The following WDFY4 variants were observed in gnomAD, a reference collection of about 807,000 sequenced individuals.
WDFY4 encodes the protein WD repeat- and FYVE domain-containing protein 4.
WDFY4 carries 169 observed loss-of-function variants against 351.9 expected under a neutral mutation model. That is an observed-to-expected ratio of 0.48 (90% CI 0.42 to 0.55). The LOEUF (loss-of-function observed/expected upper bound fraction) is 0.55. Ranked by LOEUF, WDFY4 falls within the 20% of genes least tolerant of loss-of-function variation. The pLI is 0.00. For synonymous variants in WDFY4, 1,622 were observed against 1,574.6 expected, an observed-to-expected ratio of 1.03 and a Z score of -0.71; for missense variants, 3,803 against 3,935.6, an observed-to-expected ratio of 0.97 and a Z score of 0.90.
chr10:48,806,089 C>A lies in WDFY4; in HGVS notation c.4732C>A (p.Leu1578Met), dbSNP rs1360333182. The change falls in exon 27 of 62, where the codon CTG (leucine) becomes ATG (methionine). Residue 1578 changes from leucine (L) to methionine (M), a missense_variant. Physicochemically the swap from Leu to Met is conservative, Grantham distance 15 (BLOSUM62 2). Transcript: ENST00000325239. ...CATGGACGGAGCCCTGGACCCTTCC[C>A]TGCCTGGTGAGAAGACCTTTGCCAG... is the stretch of plus-strand genomic sequence containing the variant. Reference protein sequence around the residue: ...ICMDGALDPSLPAGSQTSGKT... With the variant: ...ICMDGALDPSMPAGSQTSGKT... 6.4e-7 allele frequency: 1 copy of A among 1,551,648 alleles called. No homozygotes were observed. Among genetic ancestry groups the A allele is most frequent in the Non-Finnish European group, 8.7e-7 (1 of 1,146,972 alleles).
chr10:48,907,261 C>G (rs1837663179), intron 47 of WDFY4, among the ~76,000 whole-genome samples: 1 of 152,186 alleles, frequency 6.6e-6, no homozygotes, highest in South Asian at 2.1e-4. Flanking sequence ...ATCTGATTCT[C>G]TTTCTCTCAA....
At chr10:48,871,152 G>A (rs975890870) in intron 40 of WDFY4, among the ~76,000 whole-genome samples, 4 of 152,062 alleles carry the variant, frequency 2.6e-5, no homozygotes, top group Non-Finnish European at 5.9e-5. Context: ...AGCCAGGATG[G>A]TCTCGATCTC....
At chr10:48,740,822 A>G (rs1213052299) in intron 11 of WDFY4, among the ~76,000 whole-genome samples, 2 of 152,182 alleles carry the variant, frequency 1.3e-5, no homozygotes, top group Non-Finnish European at 2.9e-5. Flanking sequence ...CAAAACGACA[A>G]TTCAATTCCC....
At chr10:48,964,156 G>A in intron 54 of WDFY4, 102 bp downstream of exon 54, 1 of 1,295,430 alleles carries the variant, frequency 7.7e-7, no homozygotes, top group Non-Finnish European at 1.1e-6. Flanking sequence ...CTGAAGAGGT[G>A]AAATGGTCCC....
chr10:48,775,261 T>C (rs1261652105), intron 14 of WDFY4, among the ~76,000 whole-genome samples: 5 of 152,122 alleles, frequency 3.3e-5, no homozygotes, highest in African/African-American at 1.2e-4. Context: ...AGGAGTCTCC[T>C]ATGCCACCTG....
chr10:48,769,927 A>G (rs958012099), intron 13 of WDFY4, among the ~76,000 whole-genome samples: 1 of 152,230 alleles, frequency 6.6e-6, no homozygotes, highest in Non-Finnish European at 1.5e-5. Flanking sequence ...CCGCTGGCCA[A>G]CCTGGTGACC....
intron 7 of WDFY4, among the ~76,000 whole-genome samples, chr10:48,728,245 C>G (rs963929010): frequency 1.2e-4 from 19 of 152,334 alleles, no homozygotes; most frequent in African/African-American, 4.3e-4. Flanking sequence ...AAGTGAACTA[C>G]CTCTTTCTCA....
rs61733234 is a variant in WDFY4, at chr10:48,873,559, G to C, written c.6810G>C (p.Glu2270Asp). 2.2e-3 allele frequency: 3,482 copies of C among 1,551,744 alleles called. 58 individuals carry two copies. In the African/African-American group the frequency reaches 0.041, roughly 18 times the overall value. The change falls in exon 41 of 62, where the codon GAG (glutamate) becomes GAC (aspartate). Residue 2270 changes from glutamate (E) to aspartate (D), a missense_variant. Around this residue, in one of 3 missense-constraint regions of WDFY4, gnomAD observed 3,054 missense variants for 3,148.6 expected, o/e 0.97. Transcript: ENST00000325239. ...GGATCCAGGAGCAGCTTTTTGGGGAGCTGGGCTTGTGGAGCCAGGGGGAAG... is the reference window on the plus strand; with the variant it reads ...GGATCCAGGAGCAGCTTTTTGGGGACCTGGGCTTGTGGAGCCAGGGGGAAG... ...WARIQEQLFG[E>D]LGLWSQGEET...
intron 47 of WDFY4, chr10:48,913,531 C>A (rs765969044): frequency 6.2e-7 from 1 of 1,614,030 alleles, no homozygotes; most frequent in Admixed American, 1.7e-5. Context: ...CTCAGGCAAG[C>A]CGCACACAGA....
intron 24 of WDFY4, among the ~76,000 whole-genome samples, 187 bp from the exon 25 acceptor site, chr10:48,803,099 C>T (rs1221566608): frequency 1.3e-5 from 2 of 152,188 alleles, no homozygotes; most frequent in African/African-American, 4.8e-5. Context: ...GAGAGAAGGC[C>T]TTCCTACAGG....
intron 57 of WDFY4, among the ~76,000 whole-genome samples, chr10:48,972,052 G>T (rs75905438): frequency 3.3e-5 from 5 of 152,082 alleles, no homozygotes; most frequent in Non-Finnish European, 5.9e-5. Flanking sequence ...AAACACCCTC[G>T]TATCGACCTC....
At chr10:48,688,786 G>A (rs895266505) in intron 1 of WDFY4, among the ~76,000 whole-genome samples, 4 of 152,080 alleles carry the variant, frequency 2.6e-5, no homozygotes, top group African/African-American at 9.7e-5. Context: ...TGGTCAGAGT[G>A]GTCAGATTCT....
Position 48,726,520 on chromosome 10 carries a change from G to A in WDFY4, c.781+450G>A, listed in dbSNP as rs1049246415. Among the ~76,000 whole-genome samples, 12 of 151,872 alleles carry A rather than the reference G, an allele frequency of 7.9e-5. 1 individual carries two copies. Among genetic ancestry groups the A allele is most frequent in the East Asian group, 1.9e-4 (1 of 5,198 alleles). On this transcript the variant is annotated intron_variant, in intron 6 of 61. Coordinates refer to ENST00000325239, the MANE Select transcript of WDFY4 (RefSeq NM_001394531.1). The stretch of plus-strand genomic sequence containing the variant: ...TTCAAACTTAAAGATGCCTGATTCC[G>A]GCACCCTCATTTATACACTGGGAAC...
intron 13 of WDFY4, among the ~76,000 whole-genome samples, chr10:48,760,895 C>T (rs546872912): frequency 4.6e-5 from 7 of 152,008 alleles, no homozygotes; most frequent in African/African-American, 9.7e-5. Context: ...CCACAGAGCC[C>T]GCCTCTATGA....
intron 47 of WDFY4, among the ~76,000 whole-genome samples, chr10:48,933,374 G>A (rs114388256): frequency 0.012 from 1,829 of 152,330 alleles, 42 homozygotes; most frequent in African/African-American, 0.042. Flanking sequence ...TGCCTCGACT[G>A]GAGCCAGCAT....
chr10:48,752,931 G>A (rs1318920111), intron 12 of WDFY4, among the ~76,000 whole-genome samples: 1 of 152,132 alleles, frequency 6.6e-6, no homozygotes, highest in African/African-American at 2.4e-5. Context: ...TAGAATTGTA[G>A]GAACTGTAAA....
intron 60 of WDFY4, among the ~76,000 whole-genome samples, chr10:48,980,794 C>T (rs113147332): frequency 0.046 from 6,944 of 152,172 alleles, 198 homozygotes; most frequent in Middle Eastern, 0.1. Flanking sequence ...ACCCAGCTGG[C>T]GTCTCTCCAT....
intron 12 of WDFY4, among the ~76,000 whole-genome samples, chr10:48,753,657 A>C (rs2065248360): frequency 6.6e-6 from 1 of 152,186 alleles, no homozygotes; most frequent in African/African-American, 2.4e-5. Context: ...TTGAAAATCA[A>C]GGGGCCACAG....
At position 48,966,890 on chromosome 10, in the gene WDFY4, G is replaced by T; in HGVS notation, c.8584+217G>T. ...TAGACCCTAACTTCTGAAGACCCACGTCTCTCTGTCTTTCTGTCTGTCTCT... is the reference window on the plus strand; with the variant it reads ...TAGACCCTAACTTCTGAAGACCCACTTCTCTCTGTCTTTCTGTCTGTCTCT... On this transcript the variant is annotated intron_variant, in intron 55 of 61. Coordinates refer to ENST00000325239, the MANE Select transcript of WDFY4 (RefSeq NM_001394531.1). 3 of 582,888 alleles carry T rather than the reference G, an allele frequency of 5.1e-6. No homozygotes were observed. The East Asian group carries it at 8.9e-5, about 17-fold the overall frequency. The allele number at this position is 582,888 out of a possible 1,614,324, so 36.1% of individuals were successfully genotyped here.
Sources: gnomAD v4.1 joint callset for allele counts (sites outside exome capture counted in the v4.1 genomes callset) on GRCh38, gnomAD v4.1.1 for gene constraint, gnomAD v4.1.1 regional missense constraint, MANE v1.5 for transcripts, NCBI Gene and HGNC (gene_info 2026-07-23, HGNC 2026-07-21) for gene names.